The following DAB1 variants were observed in gnomAD, a reference collection of about 807,000 sequenced individuals.
DAB1 encodes disabled homolog 1.
Under a neutral mutation model 64.6 loss-of-function variants are expected in DAB1, and 15 were observed. The observed-to-expected ratio is 0.23, with a 90% CI of 0.16 to 0.36. The LOEUF (loss-of-function observed/expected upper bound fraction) is 0.36, where lower values mean the gene tolerates loss of function less well. Among genes scored for constraint, DAB1 ranks in the 10% least tolerant of loss-of-function variants. The pLI is 1.00. For missense variants in DAB1, 596 were observed against 706.7 expected (o/e 0.84, Z 1.78); for synonymous variants, 235 against 251.9 (o/e 0.93, Z 0.64).
intron 4 of DAB1, among the ~76,000 whole-genome samples, chr1:58,293,396 C>A (rs1198918307): frequency 2.6e-5 from 4 of 152,128 alleles, no homozygotes; most frequent in African/African-American, 9.7e-5. Flanking sequence ...TCTGCAAATG[C>A]TCAGCAGAGC....
At chr1:58,191,501 T>G (rs1009760689) in intron 4 of DAB1, among the ~76,000 whole-genome samples, 3 of 152,102 alleles carry the variant, frequency 2.0e-5, no homozygotes, top group Non-Finnish European at 4.4e-5. Flanking sequence ...ATTCCCTGAG[T>G]GCAAGCTGAG....
chr1:57,386,886 CCAGGGCACAT>C (rs1681913625), intron 1 of DAB1: 1 of 152,154 alleles, frequency 6.6e-6, no homozygotes, highest in South Asian at 2.1e-4. Context: ...TATCCTGCTT[CCAGGGCACAT>C]CTGTGAGCTG....
At chr1:58,262,919 T>G (rs1343525789) in intron 4 of DAB1, among the ~76,000 whole-genome samples, 1 of 152,144 alleles carries the variant, frequency 6.6e-6, no homozygotes, top group Non-Finnish European at 1.5e-5. Flanking sequence ...TCACTCTGAG[T>G]CCAAGAGTGA....
rs111461520 is a variant in DAB1 at position 58,239,253 on chromosome 1, C to A, written n.310-88665G>T. 9.9e-3 allele frequency among the ~76,000 whole-genome samples: 1,513 copies of A among 152,328 alleles called. 26 individuals carry two copies. The highest frequency in any genetic ancestry group is 0.034 in the African/African-American group (1,423 of 41,568). Reference sequence around the variant, plus strand: ...TCACTGCTTTCCTGGAGCTATCCAGCCCAGACTGACTTAGGAAGCCTGAAA... The same window carrying A: ...TCACTGCTTTCCTGGAGCTATCCAGACCAGACTGACTTAGGAAGCCTGAAA... On this transcript the variant is annotated intron_variant and non_coding_transcript_variant, in intron 4 of 20. Transcript: ENST00000485760.
intron 6 of DAB1, among the ~76,000 whole-genome samples, chr1:57,684,870 A>G (rs1447144706): frequency 1.3e-5 from 2 of 152,172 alleles, no homozygotes; most frequent in Non-Finnish European, 2.9e-5. Context: ...ATGTAATTAT[A>G]CCCACAGGCT....
At chr1:57,364,658 A>G (rs1329682999) in intron 1 of DAB1, among the ~76,000 whole-genome samples, 1 of 152,060 alleles carries the variant, frequency 6.6e-6, no homozygotes, top group Non-Finnish European at 1.5e-5. Context: ...AACATCCTCT[A>G]TTACTAGATT....
chr1:57,820,341 A>G (rs2101894593), intron 6 of DAB1, among the ~76,000 whole-genome samples: 1 of 152,308 alleles, frequency 6.6e-6, no homozygotes, highest in Non-Finnish European at 1.5e-5. Context: ...TGAATAATAC[A>G]CACTGATTAA....
chr1:57,141,502 G>A (rs1421470482), intron 3 of DAB1, among the ~76,000 whole-genome samples: 1 of 152,098 alleles, frequency 6.6e-6, no homozygotes, highest in Non-Finnish European at 1.5e-5. Context: ...CCTAGGAGTG[G>A]TAATAGCTTC....
At chr1:57,598,773 A>C (rs879450749) in intron 7 of DAB1, among the ~76,000 whole-genome samples, 6 of 152,170 alleles carry the variant, frequency 3.9e-5, no homozygotes, top group Non-Finnish European at 7.3e-5. Context: ...AGGGGAAAAA[A>C]ATCAAGATCG....
At chr1:57,985,131 C>T (rs1646182608) in intron 5 of DAB1, among the ~76,000 whole-genome samples, 1 of 152,176 alleles carries the variant, frequency 6.6e-6, no homozygotes, top group South Asian at 2.1e-4. Context: ...TGATCTCAAA[C>T]TCCTGACCTC....
intron 1 of DAB1, among the ~76,000 whole-genome samples, chr1:57,837,840 A>G (rs1652879743): frequency 1.7e-5 from 1 of 59,540 alleles, no homozygotes; most frequent in Non-Finnish European, 3.2e-5. Flanking sequence ...CCCCACCACC[A>G]TTACTACCAC....
At chr1:57,353,568 G>C (rs904396925) in intron 1 of DAB1, among the ~76,000 whole-genome samples, 2 of 152,142 alleles carry the variant, frequency 1.3e-5, no homozygotes, top group African/African-American at 4.8e-5. Context: ...TATGTGCAAG[G>C]TCACATGCTG....
At chr1:57,732,362 T>C (rs1020498278) in intron 6 of DAB1, among the ~76,000 whole-genome samples, 1 of 152,176 alleles carries the variant, frequency 6.6e-6, no homozygotes, top group Non-Finnish European at 1.5e-5. Context: ...AGTCTAGTGC[T>C]GGACCAGGCA....
At chr1:57,798,969 GC>G (rs758142932) in intron 6 of DAB1, among the ~76,000 whole-genome samples, 8 of 152,204 alleles carry the variant, frequency 5.3e-5, no homozygotes, top group Non-Finnish European at 1.0e-4. Flanking sequence ...CAGCTGTCAT[GC>G]AAGAAAATAT....
chr1:57,390,916 T>C (rs1558294927), intron 1 of DAB1, among the ~76,000 whole-genome samples: 1 of 152,236 alleles, frequency 6.6e-6, no homozygotes, highest in Non-Finnish European at 1.5e-5. Context: ...TAAATACATC[T>C]GTACGACAAG....
chr1:58,344,548 C>G (rs973219397), intron 3 of DAB1, among the ~76,000 whole-genome samples: 3 of 152,150 alleles, frequency 2.0e-5, no homozygotes, highest in East Asian at 3.9e-4. Flanking sequence ...CCCTCCACCC[C>G]CTGCCTCAGT....
intron 1 of DAB1, among the ~76,000 whole-genome samples, chr1:57,358,345 C>A (rs1679286853): frequency 6.6e-6 from 1 of 151,852 alleles, no homozygotes; most frequent in Non-Finnish European, 1.5e-5. Flanking sequence ...TTGTTGAGAG[C>A]TTTTATTATA....
At position 57,297,580 on chromosome 1, in the gene DAB1, A is replaced by G. The variant is rs61767393; in HGVS notation, c.-136-6414T>C. ...GAGAAAACACACAAATGATAAATCAAGTAAGATAAAATATCAGCAATGAGT... is the reference window on the plus strand; with the variant it reads ...GAGAAAACACACAAATGATAAATCAGGTAAGATAAAATATCAGCAATGAGT... On this transcript the variant is annotated intron_variant, in intron 1 of 14. Transcript: ENST00000371236. Among the ~76,000 whole-genome samples the G allele has an allele frequency of 8.4e-3, 1,277 of 152,284 alleles. 37 individuals carry two copies. In the East Asian group the frequency reaches 0.087, roughly 10 times the overall value.
downstream of DAB1, among the ~76,000 whole-genome samples, chr1:57,825,712 C>A (rs895255454): frequency 6.6e-6 from 1 of 152,154 alleles, no homozygotes; most frequent in African/African-American, 2.4e-5. Flanking sequence ...ACTATATGAT[C>A]TCAAATAAGA....
Sources: gnomAD v4.1 joint callset for allele counts (sites outside exome capture counted in the v4.1 genomes callset) on GRCh38, gnomAD v4.1.1 for gene constraint, MANE v1.5 for transcripts, NCBI Gene and HGNC (gene_info 2026-07-23, HGNC 2026-07-21) for gene names.